RANBP2: variants seen among roughly 807,000 people sequenced by gnomAD.
RANBP2 encodes the protein E3 SUMO-protein ligase RanBP2.
In RANBP2, 57 loss-of-function variants were observed where a neutral mutation model predicts 303.6. The ratio of observed to expected loss-of-function variants is 0.19; its 90% CI spans 0.15 to 0.23. The LOEUF (loss-of-function observed/expected upper bound fraction) is 0.23, where lower values mean the gene tolerates loss of function less well. Ranked by LOEUF, RANBP2 falls within the 10% of genes least tolerant of loss-of-function variation. The pLI is 1.00. For synonymous variants in RANBP2, 1,167 were observed against 1,301.5 expected (o/e 0.90, Z 2.23); for missense variants, 3,138 against 3,780.8 (o/e 0.83, Z 4.46).
At chr2:109,549,442 C>T in the RANBP2 span, among the ~76,000 whole-genome samples, 4 of 152,226 alleles carry the variant, frequency 2.6e-5, no homozygotes, top group Non-Finnish European at 4.4e-5. Context: ...GTGAATGTGA[C>T]TGTTATTCAC....
At chr2:108,998,427 A>ACC in the RANBP2 span, among the ~76,000 whole-genome samples, 4 of 152,178 alleles carry the variant, frequency 2.6e-5, no homozygotes, top group Non-Finnish European at 1.5e-5. Flanking sequence ...GTGGAGTGGA[A>ACC]AACATCTCGT....
the RANBP2 span, among the ~76,000 whole-genome samples, chr2:109,079,133 C>T: frequency 5.9e-5 from 9 of 152,098 alleles, no homozygotes; most frequent in African/African-American, 2.2e-4. Flanking sequence ...TTTCTTCTGC[C>T]TCTGCCAGCA....
At chr2:108,854,095 T>C in the RANBP2 span, among the ~76,000 whole-genome samples, 93 of 133,176 alleles carry the variant, frequency 7.0e-4, 1 homozygote, top group African/African-American at 2.5e-3. Flanking sequence ...ATTTATATTA[T>C]ATATATAATA....
the RANBP2 span, among the ~76,000 whole-genome samples, chr2:109,739,024 A>G: frequency 6.9e-6 from 1 of 145,256 alleles, no homozygotes; most frequent in East Asian, 2.0e-4. Context: ...TTTCTCCCCA[A>G]TGCGTGTTCT....
chr2:108,722,968 CTA>C, intron 1 of RANBP2, among the ~76,000 whole-genome samples: 1 of 152,262 alleles, frequency 6.6e-6, no homozygotes, highest in South Asian at 2.1e-4. Flanking sequence ...TTTAGTTTTT[CTA>C]TGTTCTGTCA....
the RANBP2 span, among the ~76,000 whole-genome samples, chr2:109,521,556 AGTGCAT>A: frequency 6.6e-6 from 1 of 152,232 alleles, no homozygotes; most frequent in Non-Finnish European, 1.5e-5. Context: ...GCTGGCACTC[AGTGCAT>A]GCTCGCGGTC....
the RANBP2 span, among the ~76,000 whole-genome samples, chr2:109,683,673 C>T: frequency 7.9e-5 from 12 of 152,226 alleles, 1 homozygote; most frequent in Middle Eastern, 3.4e-3. Flanking sequence ...TAAGCACACT[C>T]TCTGTCTGGC....
At chr2:108,873,281 A>G in the RANBP2 span, 1 of 221,850 alleles carries the variant, frequency 4.5e-6, no homozygotes, top group Non-Finnish European at 6.7e-6. Context: ...GAGCCAGTGG[A>G]TGTTTTAATT....
chr2:109,047,105 CT>C, the RANBP2 span, among the ~76,000 whole-genome samples: 3 of 152,000 alleles, frequency 2.0e-5, no homozygotes, highest in African/African-American at 7.3e-5. Context: ...TCAGCTCTCC[CT>C]GGTGCTCCTC....
the RANBP2 span, among the ~76,000 whole-genome samples, chr2:109,018,643 G>A: frequency 3.7e-3 from 558 of 152,222 alleles, 8 homozygotes; most frequent in African/African-American, 0.012. Flanking sequence ...ATGCTCCCAC[G>A]GCCACAGGCC....
chr2:109,178,704 G>A, the RANBP2 span, among the ~76,000 whole-genome samples: 3 of 152,106 alleles, frequency 2.0e-5, no homozygotes, highest in Admixed American at 6.6e-5. Flanking sequence ...TTCTTGTGTC[G>A]TTCACATAGA....
At chr2:109,376,928 C>T in the RANBP2 span, among the ~76,000 whole-genome samples, 1 of 152,250 alleles carries the variant, frequency 6.6e-6, no homozygotes, top group Non-Finnish European at 1.5e-5. Flanking sequence ...AGACCCTAGT[C>T]TGCAATGTGA....
chr2:109,182,555 C>T, the RANBP2 span, among the ~76,000 whole-genome samples: 4 of 152,146 alleles, frequency 2.6e-5, no homozygotes, highest in Non-Finnish European at 2.9e-5. Context: ...ACATAGAAAG[C>T]ACATGGAACT....
the RANBP2 span, among the ~76,000 whole-genome samples, chr2:109,291,635 A>G: frequency 6.6e-6 from 1 of 152,270 alleles, no homozygotes; most frequent in East Asian, 1.9e-4. Context: ...GTGTGGAGGA[A>G]TTTTGGAAGA....
the RANBP2 span, among the ~76,000 whole-genome samples, chr2:109,641,450 G>A: frequency 6.6e-6 from 1 of 152,172 alleles, no homozygotes; most frequent in African/African-American, 2.4e-5. Flanking sequence ...CACAACACGG[G>A]TGACCCTTGA....
chr2:108,928,730 C>A, the RANBP2 span, among the ~76,000 whole-genome samples: 1 of 152,168 alleles, frequency 6.6e-6, no homozygotes, highest in African/African-American at 2.4e-5. Context: ...AGGCTAATTG[C>A]ATTTTCAGCT....
the RANBP2 span, among the ~76,000 whole-genome samples, chr2:109,494,488 C>T: frequency 2.0e-5 from 3 of 152,252 alleles, no homozygotes; most frequent in South Asian, 6.2e-4. Context: ...GCTGACTCCT[C>T]GGGCTGGGAC....
the RANBP2 span, among the ~76,000 whole-genome samples, chr2:108,959,134 A>G: frequency 6.6e-6 from 1 of 152,264 alleles, no homozygotes; most frequent in Non-Finnish European, 1.5e-5. Flanking sequence ...TGGAACAGCT[A>G]GAATCGTGAC....
chr2:109,694,767 G>C, the RANBP2 span, among the ~76,000 whole-genome samples: 1 of 150,696 alleles, frequency 6.6e-6, no homozygotes, highest in East Asian at 2.0e-4. Flanking sequence ...TTTCTAATTA[G>C]GGATACTCAA....
Sources: allele counts gnomAD v4.1 joint callset (sites outside exome capture counted in the v4.1 genomes callset), GRCh38; gene constraint gnomAD v4.1.1; transcripts MANE v1.5; gene names NCBI Gene and HGNC (gene_info 2026-07-23, HGNC 2026-07-21).